Variants in KCNH8 observed in about 807,000 individuals in gnomAD.
The protein encoded by KCNH8 is voltage-gated delayed rectifier potassium channel KCNH8.
A neutral mutation model predicts 103.6 loss-of-function variants in KCNH8; 70 were observed. The observed-to-expected ratio is 0.68, with a 90% CI of 0.56 to 0.82. The LOEUF is 0.82. KCNH8 is among the 40% of genes least tolerant of loss of function. The pLI is 0.00. For missense variants in KCNH8, 1,217 were observed against 1,329.9 expected, an observed-to-expected ratio of 0.92 and a Z score of 1.32; for synonymous variants, 498 against 489.4, an observed-to-expected ratio of 1.02 and a Z score of -0.23.
At chr3:19,445,419 A>G (rs2067348895) in intron 8 of KCNH8, among the ~76,000 whole-genome samples, 1 of 151,844 alleles carries the variant, frequency 6.6e-6, no homozygotes. Context: ...TTCTATAGCT[A>G]TGTTTACTTT....
Position 19,318,828 on chromosome 3 carries a change from T to C in KCNH8, c.443-23759T>C, listed in dbSNP as rs554559199. ...ATGCCAACGTCTATTACTTTATGAT[T>C]TTTTTATTATGGCTATTCTTGCAGG... On this transcript the variant is annotated intron_variant, in intron 3 of 15. Coordinates refer to ENST00000328405, the MANE Select transcript of KCNH8 (RefSeq NM_144633.3). 5.3e-5 allele frequency among the ~76,000 whole-genome samples: 8 copies of C among 151,950 alleles called. No individual in the cohort carries two copies. The East Asian group carries it at 1.6e-3, about 29-fold the overall frequency.
rs2068811115 is a variant in KCNH8 at position 19,513,063 on chromosome 3, G to C, written c.2173G>C (p.Val725Leu). 6.2e-7 allele frequency: 1 copy of C among 1,613,594 alleles called. No homozygotes were observed. Among genetic ancestry groups the C allele is most frequent in the South Asian group, 1.1e-5 (1 of 91,078 alleles). The change falls in exon 13 of 16, where the codon GTC becomes CTC. Residue 725 changes from valine (V) to leucine (L), a missense_variant. Val to Leu is a conservative substitution (Grantham distance 32). Around this residue, in one of 3 missense-constraint regions of KCNH8, gnomAD observed 558 missense variants for 495.8 expected, o/e 1.13. Transcript: ENST00000328405. ...EEEEGEEEEAVSLSPICTRGS... is the reference protein window; with the variant it reads ...EEEEGEEEEALSLSPICTRGS... The stretch of plus-strand genomic sequence containing the variant: ...GGAGGAGGGGGAGGAAGAGGAGGCA[G>C]TCTCCCTCTCTCCCATCTGCACAAG...
At chr3:19,319,635 T>C (rs1320692610) in intron 3 of KCNH8, among the ~76,000 whole-genome samples, 1 of 152,018 alleles carries the variant, frequency 6.6e-6, no homozygotes, top group Non-Finnish European at 1.5e-5. Flanking sequence ...TTAGTCTTGC[T>C]TTGGCTAGGC....
intron 1 of KCNH8, among the ~76,000 whole-genome samples, chr3:19,191,624 A>T (rs1306250228): frequency 1.3e-5 from 2 of 151,626 alleles, no homozygotes; most frequent in Non-Finnish European, 3.0e-5. Flanking sequence ...TGTTAGATGC[A>T]TGTTAGCCTT....
chr3:19,264,516 GA>G (rs1172215520), intron 2 of KCNH8, among the ~76,000 whole-genome samples: 1 of 152,068 alleles, frequency 6.6e-6, no homozygotes, highest in Admixed American at 6.6e-5. Flanking sequence ...TCTGCAGCCA[GA>G]ATGATGAGAA....
intron 11 of KCNH8, among the ~76,000 whole-genome samples, chr3:19,487,592 G>A (rs2068236753): frequency 6.6e-6 from 1 of 152,174 alleles, no homozygotes; most frequent in Non-Finnish European, 1.5e-5. Context: ...GTGCTTGATT[G>A]ACTGCCAGTC....
intron 11 of KCNH8, among the ~76,000 whole-genome samples, chr3:19,460,304 G>A (rs1260581864): frequency 6.6e-6 from 1 of 152,058 alleles, no homozygotes; most frequent in Non-Finnish European, 1.5e-5. Context: ...CTGAGCTCCA[G>A]CCTCCATCTC....
chr3:19,397,092 T>C (rs2066530364), intron 7 of KCNH8, among the ~76,000 whole-genome samples: 2 of 151,992 alleles, frequency 1.3e-5, no homozygotes, highest in Admixed American at 1.3e-4. Flanking sequence ...ATCTAGCTGT[T>C]GTTTTTCTTC....
At chr3:19,260,826 C>T (rs2064424520) in intron 2 of KCNH8, among the ~76,000 whole-genome samples, 1 of 149,392 alleles carries the variant, frequency 6.7e-6, no homozygotes, top group African/African-American at 2.4e-5. Flanking sequence ...TGTTTTTCAG[C>T]TTATGATTCC....
At chr3:19,472,243 T>C (rs933831668) in intron 11 of KCNH8, among the ~76,000 whole-genome samples, 2 of 136,550 alleles carry the variant, frequency 1.5e-5, no homozygotes, top group Non-Finnish European at 3.1e-5. Context: ...TGTGTGTGTG[T>C]GTGTTAATGT....
Position 19,533,366 on chromosome 3 carries a change from T to C in KCNH8, c.2620-29T>C, listed in dbSNP as rs192729028. On this transcript the variant is annotated intron_variant, in intron 15 of 15. Coordinates refer to ENST00000328405, the MANE Select transcript of KCNH8 (RefSeq NM_144633.3). ...GGTCACTACTATGCACCTCTAACTATTGTCTTTCACTTTGCTCTATCCACA... is the reference window on the plus strand; with the variant it reads ...GGTCACTACTATGCACCTCTAACTACTGTCTTTCACTTTGCTCTATCCACA... 7,531 of 1,452,000 alleles carry C rather than the reference T, an allele frequency of 5.2e-3. 37 individuals carry two copies. Among genetic ancestry groups the C allele is most frequent in the Non-Finnish European group, 5.6e-3 (5,734 of 1,032,970 alleles). The allele number at this position is 1,452,000 out of a possible 1,614,324, so 89.9% of individuals were successfully genotyped here.
At chr3:19,354,616 A>G (rs1402905646) in intron 5 of KCNH8, among the ~76,000 whole-genome samples, 1 of 152,198 alleles carries the variant, frequency 6.6e-6, no homozygotes, top group Non-Finnish European at 1.5e-5. Flanking sequence ...ACCTGAGAAA[A>G]ACAAGCAATG....
intron 11 of KCNH8, among the ~76,000 whole-genome samples, chr3:19,475,172 A>G (rs1209745185): frequency 1.3e-5 from 2 of 152,186 alleles, no homozygotes; most frequent in Non-Finnish European, 2.9e-5. Context: ...CATCCTTCCA[A>G]TGGGGTCACT....
intron 11 of KCNH8, among the ~76,000 whole-genome samples, chr3:19,470,266 C>A (rs1040327622): frequency 2.0e-5 from 3 of 152,172 alleles, no homozygotes; most frequent in Admixed American, 6.5e-5. Flanking sequence ...AAATAAAACA[C>A]ATGCACACAT....
At chr3:19,284,418 C>T (rs1402407597) in intron 3 of KCNH8, among the ~76,000 whole-genome samples, 1 of 151,458 alleles carries the variant, frequency 6.6e-6, no homozygotes, top group Non-Finnish European at 1.5e-5. Context: ...TAATATAGGC[C>T]TTTTATCGAT....
At chr3:19,303,829 C>A (rs929332637) in intron 3 of KCNH8, among the ~76,000 whole-genome samples, 1 of 152,088 alleles carries the variant, frequency 6.6e-6, no homozygotes, top group African/African-American at 2.4e-5. Flanking sequence ...GCTGACCTTA[C>A]AAATGGTGCA....
intron 3 of KCNH8, among the ~76,000 whole-genome samples, chr3:19,293,345 C>T (rs2064955863): frequency 6.6e-6 from 1 of 152,178 alleles, no homozygotes; most frequent in South Asian, 2.1e-4. Context: ...CCCCAAACCC[C>T]TACAAGCAAT....
intron 1 of KCNH8, among the ~76,000 whole-genome samples, chr3:19,192,179 C>T (rs549192713): frequency 9.4e-4 from 143 of 151,536 alleles, no homozygotes; most frequent in African/African-American, 3.3e-3. Context: ...AACCTTCAAC[C>T]GTTTATAGTT....
intron 3 of KCNH8, among the ~76,000 whole-genome samples, chr3:19,328,373 A>G (rs939601165): frequency 1.3e-5 from 2 of 152,062 alleles, no homozygotes; most frequent in Non-Finnish European, 2.9e-5. Flanking sequence ...ATTTTAATCT[A>G]TTTGTTTCCA....
Sources: allele counts gnomAD v4.1 joint callset (sites outside exome capture counted in the v4.1 genomes callset), GRCh38; gene constraint gnomAD v4.1.1; regional missense constraint gnomAD v4.1.1; transcripts MANE v1.5; gene names NCBI Gene and HGNC (gene_info 2026-07-23, HGNC 2026-07-21).